Variants in DMC1 observed in about 807,000 individuals in gnomAD.
DMC1 encodes the protein meiotic recombination protein DMC1 homolog.
In DMC1, 27 loss-of-function variants were observed where a neutral mutation model predicts 50.1. That is an observed-to-expected ratio of 0.54 (90% confidence interval 0.40 to 0.74). The LOEUF (loss-of-function observed/expected upper bound fraction) is 0.74. DMC1 is among the 30% of genes least tolerant of loss of function. The pLI is 0.00. For synonymous variants in DMC1, 148 were observed against 136.1 expected (o/e 1.09, Z -0.61); for missense variants, 295 against 420.2 (o/e 0.70, Z 2.60).
chr22:38,559,672 G>C (rs921049759), intron 5 of DMC1, among the ~76,000 whole-genome samples: 1 of 151,962 alleles, frequency 6.6e-6, no homozygotes, highest in Admixed American at 6.6e-5. Flanking sequence ...GAGAACAAAA[G>C]AGACAGAATT....
downstream of DMC1, among the ~76,000 whole-genome samples, chr22:38,517,527 C>T (rs2089984368): frequency 6.6e-6 from 1 of 152,196 alleles, no homozygotes; most frequent in Admixed American, 6.5e-5. Context: ...TGAGATTGCG[C>T]CATTGCACTC....
At chr22:38,561,170 G>A (rs2090523787) in intron 5 of DMC1, among the ~76,000 whole-genome samples, 1 of 151,168 alleles carries the variant, frequency 6.6e-6, no homozygotes, top group Non-Finnish European at 1.5e-5. Flanking sequence ...ATCACACCCA[G>A]CTAATTAATT....
At chr22:38,539,816 C>G (rs764492462) in intron 8 of DMC1, among the ~76,000 whole-genome samples, 3 of 152,122 alleles carry the variant, frequency 2.0e-5, no homozygotes, top group Non-Finnish European at 4.4e-5. Flanking sequence ...TTTGTGAGTC[C>G]TTTTGTTCTC....
intron 8 of DMC1, among the ~76,000 whole-genome samples, chr22:38,549,037 C>T (rs1454233007): frequency 6.6e-6 from 1 of 152,104 alleles, no homozygotes. Context: ...TATCAATTTT[C>T]CTAATACTTC....
At chr22:38,550,699 G>C (rs2090394614) in intron 7 of DMC1, among the ~76,000 whole-genome samples, 1 of 150,794 alleles carries the variant, frequency 6.6e-6, no homozygotes, top group South Asian at 2.1e-4. Context: ...GGGAGGCCAA[G>C]GTGGGTGGAT....
At chr22:38,553,990 G>A (rs1232055918) in intron 6 of DMC1, among the ~76,000 whole-genome samples, 8 of 147,646 alleles carry the variant, frequency 5.4e-5, no homozygotes, top group African/African-American at 2.0e-4. Flanking sequence ...AAATCAGCCA[G>A]GCGTGGTGGC....
chr22:38,509,598 G>C, the DMC1 span, among the ~76,000 whole-genome samples: 1 of 152,216 alleles, frequency 6.6e-6, no homozygotes, highest in East Asian at 1.9e-4. Flanking sequence ...AACTGTTTTA[G>C]TGTAAAGATC....
At chr22:38,540,810 T>C (rs540875316) in intron 8 of DMC1, among the ~76,000 whole-genome samples, 6 of 152,340 alleles carry the variant, frequency 3.9e-5, no homozygotes, top group African/African-American at 1.4e-4. Flanking sequence ...AACATTTTCA[T>C]CATGTCGGTT....
At chr22:38,530,791 C>T (rs768900204) in intron 12 of DMC1, among the ~76,000 whole-genome samples, 5 of 151,812 alleles carry the variant, frequency 3.3e-5, no homozygotes, top group Non-Finnish European at 7.4e-5. Context: ...ATCCTTAGGA[C>T]GGGTGTGGTG....
intron 12 of DMC1, among the ~76,000 whole-genome samples, chr22:38,526,591 G>GCA (rs1275012127): frequency 6.6e-6 from 1 of 151,950 alleles, no homozygotes; most frequent in African/African-American, 2.4e-5. Context: ...CAAAAAAAGG[G>GCA]CACATATACA....
intron 11 of DMC1, among the ~76,000 whole-genome samples, chr22:38,538,080 G>A (rs559070336): frequency 1.4e-4 from 22 of 151,960 alleles, no homozygotes; most frequent in African/African-American, 4.1e-4. Flanking sequence ...GGAGGCGGAG[G>A]TTGCAGTGAG....
intron 12 of DMC1, among the ~76,000 whole-genome samples, chr22:38,524,056 C>T (rs2090059770): frequency 1.3e-5 from 2 of 152,168 alleles, no homozygotes; most frequent in Non-Finnish European, 2.9e-5. Flanking sequence ...TCAGTAGTCT[C>T]CTTAAGCCCC....
chr22:38,536,292 G>A (rs560461984), intron 12 of DMC1, among the ~76,000 whole-genome samples: 2 of 152,108 alleles, frequency 1.3e-5, no homozygotes, highest in African/African-American at 4.8e-5. Context: ...GTTTGAGACA[G>A]TCTTGCTCTG....
the DMC1 span, among the ~76,000 whole-genome samples, chr22:38,510,477 G>A: frequency 6.6e-6 from 1 of 152,056 alleles, no homozygotes; most frequent in Non-Finnish European, 1.5e-5. Context: ...AAAAAGAGAA[G>A]TTTCCTCTAG....
At chr22:38,544,630 CT>C (rs142876191) in intron 8 of DMC1, among the ~76,000 whole-genome samples, 268 of 143,498 alleles carry the variant, frequency 1.9e-3, no homozygotes, top group Admixed American at 1.7e-3. Context: ...AATAAACTTT[CT>C]TTTTTTTTTT....
chr22:38,525,998 G>T (rs890616764), intron 12 of DMC1, among the ~76,000 whole-genome samples: 2 of 151,780 alleles, frequency 1.3e-5, no homozygotes, highest in African/African-American at 4.8e-5. Context: ...GAAAAAGAAA[G>T]ATATTATGGG....
intron 12 of DMC1, among the ~76,000 whole-genome samples, chr22:38,526,819 G>C (rs537849516): frequency 2.0e-5 from 3 of 152,146 alleles, no homozygotes; most frequent in East Asian, 3.9e-4. Flanking sequence ...CTACTTACAG[G>C]GAGAGAATGT....
At chr22:38,525,709 G>A (rs575714099) in intron 12 of DMC1, among the ~76,000 whole-genome samples, 7 of 152,150 alleles carry the variant, frequency 4.6e-5, no homozygotes, top group Non-Finnish European at 7.3e-5. Flanking sequence ...GGGAGGCTGC[G>A]GCAGGTAGAT....
rs750030662 is a variant in DMC1, at chr22:38,566,724, T to C, written c.109A>G (p.Ile37Val). ...ATTCCTACTGATTTCAGTTTCTTAA[T>C]GTCAGCCACGTTCTGTAAATTAAAG... ...LQKHGINVAD[I>V]KKLKSVGICT... Residue 37 changes from isoleucine (I) to valine (V), a missense_variant, in exon 4 of 14, where the codon ATT (isoleucine) becomes GTT (valine). Coordinates refer to ENST00000216024, the MANE Select transcript of DMC1 (RefSeq NM_007068.4). 3.1e-6 allele frequency: 5 copies of C among 1,613,914 alleles called. No homozygotes were observed. Among genetic ancestry groups the C allele is most frequent in the Non-Finnish European group, 4.2e-6 (5 of 1,179,926 alleles).
Sources: allele counts gnomAD v4.1 joint callset (sites outside exome capture counted in the v4.1 genomes callset), GRCh38; gene constraint gnomAD v4.1.1; transcripts MANE v1.5; gene names NCBI Gene and HGNC (gene_info 2026-07-23, HGNC 2026-07-21).